The following CIT variants were observed in gnomAD, a reference collection of about 807,000 sequenced individuals.
CIT encodes citron rho-interacting serine/threonine kinase.
Under a neutral mutation model 272.7 loss-of-function variants are expected in CIT, and 79 were observed. The ratio of observed to expected loss-of-function variants is 0.29; its 90% CI spans 0.24 to 0.35. CIT has a LOEUF of 0.35. Among genes scored for constraint, CIT ranks in the 10% least tolerant of loss-of-function variants. The probability of loss-of-function intolerance (pLI) is 1.00; values close to 1 mark genes in which losing one functional copy is unlikely to be tolerated. For synonymous variants in CIT, 948 were observed against 995.6 expected (o/e 0.95, Z 0.90); for missense variants, 1,909 against 2,618.3 (o/e 0.73, Z 5.91).
In CIT at chr12:119,718,505, G is replaced by T. The variant is rs1957660856; in HGVS notation, c.4004-96C>A. ...CCTGGGCTATCTTTCAAGGACCCAA[G>T]ACCAAAAGAATATGCGTCACATCAA... On this transcript the variant is annotated intron_variant, in intron 31 of 47. Transcript: ENST00000392521. This position sits in a 1 kb window ranked among gnomAD's most constrained non-coding sequence, Gnocchi z 4.8. The T allele has an allele frequency of 6.7e-7, 1 of 1,487,292 alleles. No homozygotes were observed. Among genetic ancestry groups the T allele is most frequent in the African/African-American group, 1.4e-5 (1 of 71,628 alleles). The allele number at this position is 1,487,292 out of a possible 1,614,324, so 92.1% of individuals were successfully genotyped here.
chr12:119,845,948 A>ACACACACG (rs1439487482), intron 5 of CIT, among the ~76,000 whole-genome samples: 1 of 148,542 alleles, frequency 6.7e-6, no homozygotes, highest in African/African-American at 2.5e-5. Context: ...CTCAAAACAC[A>ACACACACG]CACACACACA....
intron 9 of CIT, among the ~76,000 whole-genome samples, chr12:119,814,766 A>G (rs1367651389): frequency 6.6e-6 from 1 of 152,148 alleles, no homozygotes. Flanking sequence ...AAAAGGCCCA[A>G]AACATCACGC....
Position 119,782,497 on chromosome 12 carries a change from C to T in CIT, c.1665+21G>A, listed in dbSNP as rs1964393175. The T allele has an allele frequency of 2.5e-6, 4 of 1,612,636 alleles. No individual in the cohort carries two copies. In the African/African-American group the frequency reaches 4.0e-5, roughly 16 times the overall value. On this transcript the variant is annotated intron_variant, in intron 13 of 47. Transcript: ENST00000392521. ...CCAAGCAAGCCGAGATGCTGCTGTGCTCCCAGGCAAGCAGGCCTACCTGCT... is the reference window on the plus strand; with the variant it reads ...CCAAGCAAGCCGAGATGCTGCTGTGTTCCCAGGCAAGCAGGCCTACCTGCT...
In CIT at chr12:119,696,223, A is replaced by G. The variant is rs186090046; in HGVS notation, c.5882+1436T>C. On this transcript the variant is annotated intron_variant, in intron 46 of 47. Coordinates refer to ENST00000392521, the MANE Select transcript of CIT (RefSeq NM_001206999.2). The stretch of plus-strand genomic sequence containing the variant: ...TTTGAATTCTGTGCCCTGTGGTTAG[A>G]TTATCAATTCAAAAAGAAGTAAAAT... 5.7e-3 allele frequency among the ~76,000 whole-genome samples: 875 copies of G among 152,304 alleles called. 6 individuals carry two copies. Among genetic ancestry groups the G allele is most frequent in the Non-Finnish European group, 9.4e-3 (641 of 68,026 alleles).
At chr12:119,799,795 G>A (rs1966031667) in intron 10 of CIT, among the ~76,000 whole-genome samples, 1 of 151,060 alleles carries the variant, frequency 6.6e-6, no homozygotes, top group Non-Finnish European at 1.5e-5. Context: ...GGTTTTTAAT[G>A]TGGCTCAAAA....
chr12:119,778,424 C>T (rs568169566), intron 13 of CIT, among the ~76,000 whole-genome samples: 17 of 152,110 alleles, frequency 1.1e-4, no homozygotes, highest in South Asian at 8.3e-4. Flanking sequence ...AGATACAAAA[C>T]GAAATGAACA....
chr12:119,809,744 T>C (rs1966790528), intron 9 of CIT, among the ~76,000 whole-genome samples: 1 of 152,200 alleles, frequency 6.6e-6, no homozygotes, highest in African/African-American at 2.4e-5. Context: ...GAATGAATGC[T>C]ACAGAAGGAT....
intron 13 of CIT, chr12:119,782,300 T>C: frequency 2.3e-6 from 1 of 435,086 alleles, no homozygotes; most frequent in Non-Finnish European, 4.1e-6. Context: ...TTATGGGGTA[T>C]CAGCTTCAAA....
chr12:119,726,143 C>T (rs1958087738), intron 28 of CIT, among the ~76,000 whole-genome samples: 1 of 152,106 alleles, frequency 6.6e-6, no homozygotes, highest in Non-Finnish European at 1.5e-5. Flanking sequence ...ATTAAGTACA[C>T]TCATGTTATT....
At chr12:119,830,349 T>C (rs1968522596) in intron 7 of CIT, among the ~76,000 whole-genome samples, 1 of 151,914 alleles carries the variant, frequency 6.6e-6, no homozygotes, top group Non-Finnish European at 1.5e-5. Context: ...GTTACAATTA[T>C]AACTGAAAAG....
intron 47 of CIT, among the ~76,000 whole-genome samples, chr12:119,689,541 A>T (rs1294597426): frequency 6.6e-6 from 1 of 152,214 alleles, no homozygotes; most frequent in Non-Finnish European, 1.5e-5. Context: ...GAATATCTCT[A>T]GAAACTGCTA....
At chr12:119,843,704 G>T (rs1290928035) in intron 5 of CIT, among the ~76,000 whole-genome samples, 1 of 152,024 alleles carries the variant, frequency 6.6e-6, no homozygotes, top group Admixed American at 6.5e-5. Context: ...CAGCTACTCA[G>T]GAGGCTGAGG....
At chr12:119,789,059 A>G (rs407464) in intron 10 of CIT, among the ~76,000 whole-genome samples, 68,433 of 152,012 alleles carry the variant, frequency 0.45, 15,874 homozygotes, top group Admixed American at 0.56. Context: ...CCTCAATGCA[A>G]GTACACATTA....
intron 16 of CIT, 48 bp from the exon 17 acceptor site, chr12:119,772,958 T>C (rs764749523): frequency 6.5e-7 from 1 of 1,549,086 alleles, no homozygotes; most frequent in East Asian, 2.3e-5. Context: ...TTTATTCATA[T>C]AAAAAGATGG....
Position 119,791,645 on chromosome 12 carries a change from T to A in CIT, c.1296-6580A>T, listed in dbSNP as rs569998182. On this transcript the variant is annotated intron_variant, in intron 10 of 47. Transcript: ENST00000392521. ...TATCCCCATGGAGAGAAAAGGCACTTCTGAGCAGCGGGTGCACGCAGCCAC... is the reference window on the plus strand; with the variant it reads ...TATCCCCATGGAGAGAAAAGGCACTACTGAGCAGCGGGTGCACGCAGCCAC... Among the ~76,000 whole-genome samples the A allele has an allele frequency of 3.9e-5, 6 of 152,336 alleles. No individual in the cohort carries two copies. The East Asian group carries it at 9.6e-4, about 24-fold the overall frequency.
At chr12:119,862,344 C>A (rs1328537436) in intron 3 of CIT, among the ~76,000 whole-genome samples, 1 of 152,080 alleles carries the variant, frequency 6.6e-6, no homozygotes, top group Non-Finnish European at 1.5e-5. Flanking sequence ...TTAAGGCACA[C>A]ACACACACAA....
chr12:119,785,914 T>C (rs1205090517), intron 10 of CIT, among the ~76,000 whole-genome samples: 1 of 152,148 alleles, frequency 6.6e-6, no homozygotes, highest in Non-Finnish European at 1.5e-5. Flanking sequence ...AACTGTAAAA[T>C]AATAAATGTG....
At chr12:119,803,551 G>A (rs1966391664) in intron 9 of CIT, 162 bp from the exon 10 acceptor site, 1 of 496,096 alleles carries the variant, frequency 2.0e-6, no homozygotes, top group Non-Finnish European at 3.5e-6. Context: ...AGCAACAAGA[G>A]ATTAACCCCT....
intron 46 of CIT, among the ~76,000 whole-genome samples, chr12:119,691,664 C>A (rs747213729): frequency 6.6e-6 from 1 of 152,084 alleles, no homozygotes; most frequent in Admixed American, 6.5e-5. Flanking sequence ...ACAACCCAAC[C>A]CAATCCTCCA....
Sources: allele counts gnomAD v4.1 joint callset (sites outside exome capture counted in the v4.1 genomes callset), GRCh38; gene constraint gnomAD v4.1.1; non-coding constraint Gnocchi (gnomAD v3.1); transcripts MANE v1.5; gene names NCBI Gene and HGNC (gene_info 2026-07-23, HGNC 2026-07-21).